The following ADAMTS16 variants were observed in gnomAD, a reference collection of about 807,000 sequenced individuals.
ADAMTS16 encodes the protein A disintegrin and metalloproteinase with thrombospondin motifs 16.
ADAMTS16 carries 94 observed loss-of-function variants against 145.8 expected under a neutral mutation model. That is an observed-to-expected ratio of 0.64 (90% CI 0.55 to 0.77). The LOEUF is 0.77. ADAMTS16 is among the 30% of genes least tolerant of loss of function. The probability of loss-of-function intolerance (pLI) is 0.00; values close to 1 mark genes in which losing one functional copy is unlikely to be tolerated. For missense variants in ADAMTS16, 1,585 were observed against 1,591.5 expected, an observed-to-expected ratio of 1.00 and a Z score of 0.07; for synonymous variants, 659 against 604.3, an observed-to-expected ratio of 1.09 and a Z score of -1.33.
chr5:5,246,259 A>G (rs1035823359), intron 17 of ADAMTS16, among the ~76,000 whole-genome samples: 1 of 152,194 alleles, frequency 6.6e-6, no homozygotes, highest in African/African-American at 2.4e-5. Context: ...ATTGTCCAAC[A>G]TGTATGCTGT....
chr5:5,186,631 G>A (rs1735508175), intron 5 of ADAMTS16, among the ~76,000 whole-genome samples: 1 of 152,082 alleles, frequency 6.6e-6, no homozygotes, highest in South Asian at 2.1e-4. Context: ...CTATAGAAAT[G>A]CCCAACTTTT....
In ADAMTS16 at chr5:5,235,008, T is replaced by C; in HGVS notation, c.1851-6T>C. The C allele has an allele frequency of 6.4e-7, 1 of 1,561,092 alleles. No homozygotes were observed. The highest frequency in any genetic ancestry group is 8.7e-7 in the Non-Finnish European group (1 of 1,143,748). On this transcript the variant is annotated splice_region_variant and splice_polypyrimidine_tract_variant and intron_variant, in intron 12 of 22. Coordinates refer to ENST00000274181, the MANE Select transcript of ADAMTS16 (RefSeq NM_139056.4). ...AAAAATTCTAACTTCAAAATACACATTCCAGGCCATCGCATGGAGGGAAGT... is the reference window on the plus strand; with the variant it reads ...AAAAATTCTAACTTCAAAATACACACTCCAGGCCATCGCATGGAGGGAAGT...
chr5:5,168,673 AT>A (rs1734960593), intron 3 of ADAMTS16, among the ~76,000 whole-genome samples: 1 of 37,300 alleles, frequency 2.7e-5, no homozygotes, highest in Non-Finnish European at 4.8e-5. Context: ...TTATATAATA[AT>A]TATAATTATA....
intron 17 of ADAMTS16, among the ~76,000 whole-genome samples, chr5:5,245,606 G>A (rs1315853770): frequency 2.0e-5 from 3 of 152,080 alleles, no homozygotes; most frequent in South Asian, 2.1e-4. Flanking sequence ...AAGGGTCTAC[G>A]AGGGGCAGTT....
At position 5,313,672 on chromosome 5, in the gene ADAMTS16, G is replaced by A. The variant is rs552778719; in HGVS notation, c.3412-4462G>A. ...TGATTTGGAAACTCATGGGCACTGA[G>A]GGGCAGCAGCCGTGTCAGAGAATGA... On this transcript the variant is annotated intron_variant, in intron 21 of 22. Coordinates refer to ENST00000274181, the MANE Select transcript of ADAMTS16 (RefSeq NM_139056.4). 2.0e-5 allele frequency among the ~76,000 whole-genome samples: 3 copies of A among 152,374 alleles called. No homozygotes were observed. In the South Asian group the frequency reaches 6.2e-4, roughly 32 times the overall value.
At position 5,303,347 on chromosome 5, in the gene ADAMTS16, C is replaced by T. The variant is rs564663324; in HGVS notation, c.2869C>T (p.Arg957Trp). ...GAGCCGCCCCGTGCAGTGCACACGG[C>T]GGGTGCACTATGACTCGGAGCCAGT... is the stretch of plus-strand genomic sequence containing the variant. Reference protein sequence around the residue: ...AQSRPVQCTRRVHYDSEPVPA... With the variant: ...AQSRPVQCTRWVHYDSEPVPA... Residue 957 changes from arginine (R) to tryptophan (W), a missense_variant, in exon 19 of 23, where the codon CGG becomes TGG. Physicochemically the swap from Arg to Trp is moderately radical, Grantham distance 101. Coordinates refer to ENST00000274181, the MANE Select transcript of ADAMTS16 (RefSeq NM_139056.4). 1.7e-4 allele frequency: 272 copies of T among 1,604,738 alleles called. No individual in the cohort carries two copies. Among genetic ancestry groups the T allele is most frequent in the South Asian group, 4.4e-4 (39 of 89,530 alleles).
chr5:5,205,883 C>A lies in ADAMTS16; in HGVS notation c.1452-3210C>A, dbSNP rs568224456. On this transcript the variant is annotated intron_variant, in intron 9 of 22. Transcript: ENST00000274181. ...GCTATGTCTTTTACAAATATATTCT[C>A]CCACTCTGTGTCTTGTCTTCTCATT... Among the ~76,000 whole-genome samples, 60 of 152,270 alleles carry A rather than the reference C, an allele frequency of 3.9e-4. 1 individual carries two copies. Among genetic ancestry groups the A allele is most frequent in the African/African-American group, 1.2e-3 (49 of 41,562 alleles).
Position 5,269,625 on chromosome 5 carries a change from A to T in ADAMTS16, c.2789+6842A>T, listed in dbSNP as rs1738389359. ...CCCTCCCTCCCATCACAAAGGGCAG[A>T]TGGTCCCGAGCCTCTAGAGGAGCCT... is the stretch of plus-strand genomic sequence containing the variant. On this transcript the variant is annotated intron_variant, in intron 18 of 22. Coordinates refer to ENST00000274181, the MANE Select transcript of ADAMTS16 (RefSeq NM_139056.4). This position sits in a 1 kb window ranked among gnomAD's most constrained non-coding sequence, Gnocchi z 4.3. 6.6e-6 allele frequency among the ~76,000 whole-genome samples: 1 copy of T among 152,126 alleles called. No homozygotes were observed. The highest frequency in any genetic ancestry group is 2.4e-5 in the African/African-American group (1 of 41,422).
chr5:5,280,067 A>T (rs2913671), intron 18 of ADAMTS16, among the ~76,000 whole-genome samples: 128,169 of 151,594 alleles, frequency 0.85, 54,634 homozygotes, highest in Non-Finnish European at 0.89. Flanking sequence ...TTCCTCCACA[A>T]TCCTTCCAGT....
At chr5:5,257,784 T>C (rs10055591) in intron 17 of ADAMTS16, among the ~76,000 whole-genome samples, 145,517 of 152,182 alleles carry the variant, frequency 0.96, 69,793 homozygotes, top group Non-Finnish European at 1. Flanking sequence ...AGCATCAGAC[T>C]CCAGAGGATT....
At chr5:5,224,494 T>C (rs979247393) in intron 11 of ADAMTS16, among the ~76,000 whole-genome samples, 9 of 152,156 alleles carry the variant, frequency 5.9e-5, no homozygotes, top group African/African-American at 2.2e-4. Context: ...TTCACCATGT[T>C]GGTCAGGCTG....
chr5:5,230,325 T>A (rs1010434639), intron 11 of ADAMTS16, among the ~76,000 whole-genome samples: 6 of 152,350 alleles, frequency 3.9e-5, no homozygotes, highest in Admixed American at 2.0e-4. Flanking sequence ...CTATGTTAAC[T>A]GAGAGAAAAT....
At chr5:5,242,233 C>T (rs761732203) in intron 17 of ADAMTS16, 42 bp downstream of exon 17, 4 of 1,607,142 alleles carry the variant, frequency 2.5e-6, no homozygotes, top group Non-Finnish European at 3.4e-6. Flanking sequence ...AGCATGTCAG[C>T]CTTCAGCCAC....
At chr5:5,222,277 G>T (rs1365094367) in intron 10 of ADAMTS16, among the ~76,000 whole-genome samples, 1 of 152,034 alleles carries the variant, frequency 6.6e-6, no homozygotes, top group Non-Finnish European at 1.5e-5. Flanking sequence ...CATATTTTAA[G>T]CCTTAATCAC....
At chr5:5,208,632 T>C (rs909779866) in intron 9 of ADAMTS16, among the ~76,000 whole-genome samples, 5 of 152,156 alleles carry the variant, frequency 3.3e-5, no homozygotes, top group Non-Finnish European at 7.4e-5. Context: ...ATAATATACA[T>C]GTCCCCTAGC....
intron 17 of ADAMTS16, among the ~76,000 whole-genome samples, chr5:5,255,249 GTA>G (rs1737743573): frequency 6.6e-6 from 1 of 152,046 alleles, no homozygotes; most frequent in Non-Finnish European, 1.5e-5. Context: ...TGAAGTCAAT[GTA>G]TCAGTGACAG....
intron 11 of ADAMTS16, among the ~76,000 whole-genome samples, chr5:5,228,694 C>G (rs928689180): frequency 3.3e-5 from 5 of 152,108 alleles, no homozygotes; most frequent in Admixed American, 1.3e-4. Context: ...GTAGAGGTTC[C>G]TCTTCAAAGA....
chr5:5,228,681 G>A (rs1011424281), intron 11 of ADAMTS16, among the ~76,000 whole-genome samples: 3 of 152,176 alleles, frequency 2.0e-5, no homozygotes, highest in Non-Finnish European at 4.4e-5. Context: ...TGTAAACAGT[G>A]TAGTAGAGGT....
chr5:5,226,392 T>G (rs2126356004), intron 11 of ADAMTS16, among the ~76,000 whole-genome samples: 1 of 152,258 alleles, frequency 6.6e-6, no homozygotes, highest in East Asian at 1.9e-4. Flanking sequence ...CCCATGAGAC[T>G]TATTCACTGT....
Sources: allele counts gnomAD v4.1 joint callset (sites outside exome capture counted in the v4.1 genomes callset), GRCh38; gene constraint gnomAD v4.1.1; non-coding constraint Gnocchi (gnomAD v3.1); transcripts MANE v1.5; gene names NCBI Gene and HGNC (gene_info 2026-07-23, HGNC 2026-07-21).